SYNJ1: variants seen among roughly 807,000 people sequenced by gnomAD.
The protein encoded by SYNJ1 is polyphosphatidylinositol phosphatase SYNJ1.
SYNJ1 carries 78 observed loss-of-function variants against 168.2 expected under a neutral mutation model. That is an observed-to-expected ratio of 0.46 (90% confidence interval 0.39 to 0.56). The LOEUF (loss-of-function observed/expected upper bound fraction) is 0.56, where lower values mean the gene tolerates loss of function less well. Ranked by LOEUF, SYNJ1 falls within the 20% of genes least tolerant of loss-of-function variation. The pLI, the probability that SYNJ1 is intolerant of heterozygous loss-of-function variation, is 0.00. For synonymous variants in SYNJ1, 539 were observed against 548.6 expected (o/e 0.98, Z 0.24); for missense variants, 1,303 against 1,597.6 (o/e 0.82, Z 3.14).
At chr21:32,662,490 C>T (rs1367663139) in intron 18 of SYNJ1, among the ~76,000 whole-genome samples, 1 of 152,142 alleles carries the variant, frequency 6.6e-6, no homozygotes, top group Non-Finnish European at 1.5e-5. Flanking sequence ...GTTATGATCC[C>T]TCTGTGGCCT....
chr21:32,635,709 A>C (rs1307756488), intron 31 of SYNJ1, among the ~76,000 whole-genome samples: 6 of 152,142 alleles, frequency 3.9e-5, no homozygotes, highest in African/African-American at 1.4e-4. Flanking sequence ...CCCTACTGAA[A>C]ATTAGTACTC....
chr21:32,711,445 G>C (rs564393397), intron 2 of SYNJ1, among the ~76,000 whole-genome samples: 1 of 151,410 alleles, frequency 6.6e-6, no homozygotes, highest in East Asian at 1.9e-4. Flanking sequence ...CGATTCTTCT[G>C]CCTCAGCCTC....
At chr21:32,707,283 CTTTTTTTT>C (rs367843525) in intron 2 of SYNJ1, among the ~76,000 whole-genome samples, 3 of 130,592 alleles carry the variant, frequency 2.3e-5, no homozygotes, top group South Asian at 2.5e-4. Flanking sequence ...TTTCTTTTTC[CTTTTTTTT>C]TTTTTTTTTT....
chr21:32,673,352 G>A lies in SYNJ1; in HGVS notation c.1714C>T (p.Gln572Ter). 1.2e-6 allele frequency: 2 copies of A among 1,607,588 alleles called. No homozygotes were observed. Among genetic ancestry groups the A allele is most frequent in the Non-Finnish European group, 1.7e-6 (2 of 1,177,284 alleles). Reference sequence around the variant, plus strand: ...ATAAAAAGCCAACCTTGAAACTCCTGGATGCCAGCTAACTTGGGTGCATCA... The same window carrying A: ...ATAAAAAGCCAACCTTGAAACTCCTAGATGCCAGCTAACTTGGGTGCATCA... ...LLDAPKLAGI[Q>*]EFQDKRSKPT... The change falls in exon 14 of 33, where the codon CAG becomes TAG. Residue 572 changes from glutamine (Q) to a stop codon, truncating the protein, a stop_gained. Coordinates refer to ENST00000674351, the MANE Select transcript of SYNJ1 (RefSeq NM_203446.3). LOFTEE classifies it high-confidence loss of function.
chr21:32,665,109 T>C (rs753641542), intron 17 of SYNJ1, 38 bp from the exon 18 acceptor site: 1 of 1,555,092 alleles, frequency 6.4e-7, no homozygotes, highest in South Asian at 1.2e-5. Flanking sequence ...TTCAAAACAA[T>C]CAATGTTCAA....
At position 32,639,101 on chromosome 21, in the gene SYNJ1, A is replaced by G. The variant is rs548516848; in HGVS notation, c.3722T>C (p.Leu1241Pro). The change falls in exon 31 of 33, where the codon CTG becomes CCG. Residue 1241 changes from leucine to proline, a missense_variant. Leu to Pro is a moderately conservative substitution (Grantham distance 98, BLOSUM62 -3). Coordinates refer to ENST00000674351, the MANE Select transcript of SYNJ1 (RefSeq NM_203446.3). Reference sequence around the variant, plus strand: ...CGGAGGAAAAGCAGCCTGAGGCTTCAGTGGTTCAGGAAGGAAAGTTGAACC... The same window carrying G: ...CGGAGGAAAAGCAGCCTGAGGCTTCGGTGGTTCAGGAAGGAAAGTTGAACC... ...SKGSTFLPEP[L>P]KPQAAFPPQS... 14 of 1,613,626 alleles carry G rather than the reference A, an allele frequency of 8.7e-6. No homozygotes were observed. The Admixed American group carries it at 1.7e-4, about 19-fold the overall frequency.
intron 6 of SYNJ1, among the ~76,000 whole-genome samples, chr21:32,692,299 G>A (rs560530791): frequency 7.2e-5 from 11 of 152,266 alleles, no homozygotes; most frequent in South Asian, 2.1e-4. Context: ...ATTCCTGGCC[G>A]GGCACGGTGG....
At chr21:32,657,611 A>G in intron 19 of SYNJ1, 105 bp downstream of exon 19, 3 of 1,049,350 alleles carry the variant, frequency 2.9e-6, no homozygotes, top group Non-Finnish European at 3.9e-6. Flanking sequence ...TATTCCAGTT[A>G]ATGTTTCTTG....
chr21:32,702,614 A>T (rs781639517), intron 2 of SYNJ1, among the ~76,000 whole-genome samples: 2 of 152,230 alleles, frequency 1.3e-5, no homozygotes, highest in African/African-American at 4.8e-5. Context: ...CACATTAAAA[A>T]TTTCACAAAG....
intron 31 of SYNJ1, 82 bp downstream of exon 31, chr21:32,638,821 TATAAC>T (rs1414709283): frequency 7.7e-7 from 1 of 1,295,346 alleles, no homozygotes; most frequent in Admixed American, 2.4e-5. Flanking sequence ...TTTTACTTCT[TATAAC>T]AGGCAATAAT....
intron 4 of SYNJ1, 70 bp downstream of exon 4, chr21:32,699,768 G>A: frequency 2.0e-6 from 3 of 1,536,440 alleles, no homozygotes; most frequent in Non-Finnish European, 2.6e-6. Flanking sequence ...CGGTGAGGAG[G>A]TTTTTGATGA....
Position 32,653,511 on chromosome 21 carries a change from G to A in SYNJ1, c.2796-145C>T. On this transcript the variant is annotated intron_variant, in intron 21 of 32. Coordinates refer to ENST00000674351, the MANE Select transcript of SYNJ1 (RefSeq NM_203446.3). ...GGAGGGAGCGCAGGTAGGGCTGGTG[G>A]TGACCTGGAGAGGGCACTCTTCCCC... 3 of 619,558 alleles carry A rather than the reference G, an allele frequency of 4.8e-6. No homozygotes were observed. In the South Asian group the frequency reaches 6.1e-5, roughly 13 times the overall value. 38.4% of individuals were successfully genotyped at this position (619,558 alleles called of 1,614,324 possible).
intron 5 of SYNJ1, among the ~76,000 whole-genome samples, 158 bp from the exon 6 acceptor site, chr21:32,694,469 C>T (rs2042134201): frequency 6.6e-6 from 1 of 151,916 alleles, no homozygotes; most frequent in South Asian, 2.1e-4. Flanking sequence ...ACAGGTTTGA[C>T]TTTTTTTTCT....
Position 32,639,042 on chromosome 21 carries a change from G to A in SYNJ1, c.3781C>T (p.Gln1261Ter). 6.2e-7 allele frequency: 1 copy of A among 1,614,092 alleles called. No individual in the cohort carries two copies. The highest frequency in any genetic ancestry group is 1.3e-5 in the African/African-American group (1 of 75,056). The change falls in exon 31 of 33, where the codon CAA becomes TAA. Residue 1261 changes from glutamine (Q) to a stop codon, truncating the protein, a stop_gained. Transcript: ENST00000674351. LOFTEE classifies it high-confidence loss of function. The part of the protein sequence containing the change: ...SSLPPPAQRL[Q>*]EPLVPVAAPM... ...GCTGCCACAGGGACAAGAGGCTCTT[G>A]CAACCTTTGAGCAGGCGGGGGCAAA...
intron 4 of SYNJ1, 130 bp downstream of exon 4, chr21:32,699,708 G>T (rs1230301437): frequency 2.7e-6 from 3 of 1,120,738 alleles, no homozygotes; most frequent in Non-Finnish European, 1.3e-6. Context: ...ACTTGCTGCT[G>T]AAAAGGGGCA....
intron 2 of SYNJ1, among the ~76,000 whole-genome samples, chr21:32,720,196 A>C (rs1371917613): frequency 6.6e-6 from 1 of 152,140 alleles, no homozygotes; most frequent in Non-Finnish European, 1.5e-5. Flanking sequence ...CCGAGATCGC[A>C]CCATTGCACT....
intron 2 of SYNJ1, among the ~76,000 whole-genome samples, chr21:32,703,407 C>T (rs2042483303): frequency 6.6e-6 from 1 of 152,028 alleles, no homozygotes; most frequent in Non-Finnish European, 1.5e-5. Flanking sequence ...GACAAGCAAC[C>T]CAAATGTAAA....
At chr21:32,663,751 A>G (rs559938666) in intron 18 of SYNJ1, among the ~76,000 whole-genome samples, 1 of 152,344 alleles carries the variant, frequency 6.6e-6, no homozygotes, top group East Asian at 1.9e-4. Context: ...GCTCAACCGA[A>G]TCATACGGTT....
At chr21:32,632,387 T>C (rs1320638022) in intron 32 of SYNJ1, among the ~76,000 whole-genome samples, 2 of 150,998 alleles carry the variant, frequency 1.3e-5, no homozygotes, top group African/African-American at 2.4e-5. Flanking sequence ...GCCCACCCCC[T>C]CTTTTTTTTT....
Sources: allele counts gnomAD v4.1 joint callset (sites outside exome capture counted in the v4.1 genomes callset), GRCh38; gene constraint gnomAD v4.1.1; transcripts MANE v1.5; gene names NCBI Gene and HGNC (gene_info 2026-07-23, HGNC 2026-07-21).